DCUN1D4: variants seen among roughly 807,000 people sequenced by gnomAD.
DCUN1D4 encodes DCN1-like protein 4.
A neutral mutation model predicts 47.9 loss-of-function variants in DCUN1D4; 22 were observed. That is an observed-to-expected ratio of 0.46 (90% CI 0.33 to 0.66). The LOEUF is 0.66. Among genes scored for constraint, DCUN1D4 ranks in the 30% least tolerant of loss-of-function variants. The pLI is 0.02. For synonymous variants in DCUN1D4, 121 were observed against 112.2 expected (o/e 1.08, Z -0.50); for missense variants, 301 against 340.8 (o/e 0.88, Z 0.92).
At position 51,913,577 on chromosome 4, in the gene DCUN1D4, T is replaced by C. The variant is rs1486359607; in HGVS notation, c.872T>C (p.Met291Thr). The C allele has an allele frequency of 1.2e-6, 2 of 1,612,740 alleles. No homozygotes were observed. Among genetic ancestry groups the C allele is most frequent in the African/African-American group, 2.7e-5 (2 of 74,866 alleles). ...EFVEWYKDKQ[M>T]S ...GTGGAGTGGTATAAAGACAAACAGA[T>C]GTCCTAGGACTTTATGCATAGCAGC... is the stretch of plus-strand genomic sequence containing the variant. The change falls in exon 11 of 11, where the codon ATG becomes ACG. Residue 291 changes from methionine to threonine, a missense_variant. By Grantham distance (81) the Met-to-Thr change is moderately conservative. Transcript: ENST00000334635.
intron 1 of DCUN1D4, chr4:51,843,657 A>T: frequency 1.1e-6 from 1 of 883,442 alleles, no homozygotes; most frequent in Non-Finnish European, 1.3e-6. Context: ...CGGCGGGGAG[A>T]GGGAGGGAGC....
chr4:51,844,792 C>A, intron 1 of DCUN1D4: 1 of 981,276 alleles, frequency 1.0e-6, no homozygotes. Context: ...CTTGTAGTCG[C>A]GGCCGCGCCC....
At position 51,913,941 on chromosome 4, in the gene DCUN1D4, G is replaced by T. The variant is rs979490016; in HGVS notation, c.*357G>T. The T allele has an allele frequency of 1.1e-5, 2 of 188,628 alleles. No individual in the cohort carries two copies. The highest frequency in any genetic ancestry group is 2.2e-5 in the Non-Finnish European group (2 of 92,154). The allele number at this position is 188,628 out of a possible 1,614,324, so 11.7% of individuals were successfully genotyped here. ...TAAAAATAATTTTGTGGCATTTCTAGTCCCTTTTTTTGAATGAACCAATTA... is the reference window on the plus strand; with the variant it reads ...TAAAAATAATTTTGTGGCATTTCTATTCCCTTTTTTTGAATGAACCAATTA... On this transcript the variant is annotated 3_prime_UTR_variant, in exon 11 of 11. Coordinates refer to ENST00000334635, the MANE Select transcript of DCUN1D4 (RefSeq NM_001040402.3).
At position 51,877,859 on chromosome 4, in the gene DCUN1D4, G is replaced by C. The variant is rs536656176; in HGVS notation, c.343+5G>C. On this transcript the variant is annotated splice_donor_5th_base_variant and intron_variant, in intron 5 of 10. Transcript: ENST00000334635. Reference sequence around the variant, plus strand: ...AATGGTTCTATGAATATGCAGGTAGGTATTCATTTGTATCATCTAAGACTG... The same window carrying C: ...AATGGTTCTATGAATATGCAGGTAGCTATTCATTTGTATCATCTAAGACTG... The C allele has an allele frequency of 6.4e-7, 1 of 1,562,606 alleles. No homozygotes were observed. The highest frequency in any genetic ancestry group is 1.4e-5 in the African/African-American group (1 of 73,772).
At chr4:51,844,266 C>T in intron 1 of DCUN1D4, 1 of 917,314 alleles carries the variant, frequency 1.1e-6, no homozygotes, top group Non-Finnish European at 1.3e-6. Context: ...CCTGTCGAGG[C>T]AGGGTCCCTT....
At chr4:51,841,615 T>C (rs185784840), upstream of DCUN1D4, among the ~76,000 whole-genome samples, 320 of 152,242 alleles carry the variant, frequency 2.1e-3, no homozygotes, top group South Asian at 7.5e-3. Flanking sequence ...GTTTGAATGA[T>C]AAAAATATTA....
intron 8 of DCUN1D4, among the ~76,000 whole-genome samples, chr4:51,909,887 A>G (rs1260661479): frequency 1.3e-5 from 2 of 152,168 alleles, no homozygotes; most frequent in African/African-American, 4.8e-5. Context: ...GTTGTTGTTA[A>G]GTGAGGCCCT....
intron 3 of DCUN1D4, among the ~76,000 whole-genome samples, chr4:51,864,070 G>C (rs149790989): frequency 1.3e-5 from 2 of 152,308 alleles, no homozygotes; most frequent in East Asian, 3.9e-4. Flanking sequence ...ATTTAATATG[G>C]TGTGTGTGTA....
chr4:51,915,572 T>C lies in DCUN1D4; in HGVS notation c.*1988T>C, dbSNP rs1251461210. 2 of 152,498 alleles carry C rather than the reference T, an allele frequency of 1.3e-5. No individual in the cohort carries two copies. Among genetic ancestry groups the C allele is most frequent in the East Asian group, 3.8e-4 (2 of 5,200 alleles). 9.4% of individuals were successfully genotyped at this position (152,498 alleles called of 1,614,324 possible). Reference sequence around the variant, plus strand: ...TTGATTCATTTTCAAAATTATTCCATAAAGTTAAAAAGTTACACTTTAAAG... The same window carrying C: ...TTGATTCATTTTCAAAATTATTCCACAAAGTTAAAAAGTTACACTTTAAAG... On this transcript the variant is annotated 3_prime_UTR_variant, in exon 11 of 11. Coordinates refer to ENST00000334635, the MANE Select transcript of DCUN1D4 (RefSeq NM_001040402.3).
At chr4:51,865,347 G>T in intron 3 of DCUN1D4, 1 of 199,526 alleles carries the variant, frequency 5.0e-6, no homozygotes, top group Non-Finnish European at 1.1e-5. Flanking sequence ...GTTCACAAGA[G>T]CTTTCTCCAT....
intron 5 of DCUN1D4, among the ~76,000 whole-genome samples, chr4:51,882,706 G>GC (rs947356174): frequency 3.9e-5 from 6 of 152,258 alleles, no homozygotes; most frequent in African/African-American, 1.4e-4. Context: ...GGCAGAGCTT[G>GC]CAGTGAGCCG....
intron 7 of DCUN1D4, among the ~76,000 whole-genome samples, chr4:51,895,461 G>A (rs1168999365): frequency 6.6e-6 from 1 of 150,628 alleles, no homozygotes; most frequent in Non-Finnish European, 1.5e-5. Flanking sequence ...AGCTGGTAGG[G>A]AACATCTATC....
At chr4:51,850,110 T>C (rs375749514) in intron 1 of DCUN1D4, among the ~76,000 whole-genome samples, 2 of 152,132 alleles carry the variant, frequency 1.3e-5, no homozygotes, top group Non-Finnish European at 2.9e-5. Flanking sequence ...TAACATATGT[T>C]ACCTTAGGCC....
chr4:51,896,199 C>T (rs1731237509), intron 7 of DCUN1D4, among the ~76,000 whole-genome samples: 1 of 152,190 alleles, frequency 6.6e-6, no homozygotes, highest in Admixed American at 6.5e-5. Flanking sequence ...AAGAACTGTT[C>T]ATTTCCTGCA....
At chr4:51,846,911 C>T (rs992088269) in intron 1 of DCUN1D4, among the ~76,000 whole-genome samples, 1 of 152,142 alleles carries the variant, frequency 6.6e-6, no homozygotes, top group Non-Finnish European at 1.5e-5. Context: ...GACATCATGC[C>T]TGGATTGGAA....
chr4:51,890,517 A>C (rs558622442), intron 6 of DCUN1D4, among the ~76,000 whole-genome samples: 167 of 152,308 alleles, frequency 1.1e-3, no homozygotes, highest in Non-Finnish European at 2.2e-3. Context: ...TGTATACCTG[A>C]TCCCTAATTT....
intron 8 of DCUN1D4, among the ~76,000 whole-genome samples, chr4:51,902,502 TTATCTC>T (rs1233263031): frequency 6.6e-6 from 1 of 152,142 alleles, no homozygotes; most frequent in Non-Finnish European, 1.5e-5. Context: ...ATGTCTCTCT[TTATCTC>T]TAGTAATATT....
At chr4:51,866,187 ACAGT>A (rs1175477777) in intron 3 of DCUN1D4, among the ~76,000 whole-genome samples, 1 of 152,224 alleles carries the variant, frequency 6.6e-6, no homozygotes, top group Non-Finnish European at 1.5e-5. Context: ...CAACTCAAGG[ACAGT>A]CAAAAACAAT....
intron 9 of DCUN1D4, among the ~76,000 whole-genome samples, chr4:51,912,201 T>C (rs902787084): frequency 4.6e-5 from 7 of 152,186 alleles, no homozygotes; most frequent in African/African-American, 1.4e-4. Flanking sequence ...TTAGCATTAT[T>C]TGGAAAAATA....
Sources: gnomAD v4.1 joint callset for allele counts (sites outside exome capture counted in the v4.1 genomes callset) on GRCh38, gnomAD v4.1.1 for gene constraint, MANE v1.5 for transcripts, NCBI Gene and HGNC (gene_info 2026-07-23, HGNC 2026-07-21) for gene names.